SGSM1: variants seen among roughly 807,000 people sequenced by gnomAD.
The protein encoded by SGSM1 is RUN and TBC1 domain containing 2.
A neutral mutation model predicts 133.8 loss-of-function variants in SGSM1; 73 were observed. The observed-to-expected ratio is 0.55, with a 90% CI of 0.45 to 0.66. The LOEUF (loss-of-function observed/expected upper bound fraction) is 0.66, where lower values mean the gene tolerates loss of function less well. Among genes scored for constraint, SGSM1 ranks in the 30% least tolerant of loss-of-function variants. The pLI is 0.00. For synonymous variants in SGSM1, 563 were observed against 573.0 expected (o/e 0.98, Z 0.25); for missense variants, 1,213 against 1,448.1 (o/e 0.84, Z 2.64).
intron 8 of SGSM1, among the ~76,000 whole-genome samples, chr22:24,858,066 T>G (rs897312092): frequency 2.0e-5 from 3 of 152,180 alleles, no homozygotes; most frequent in African/African-American, 7.2e-5. Flanking sequence ...AGCCTCAAAC[T>G]CCTGGGCTCA....
intron 2 of SGSM1, among the ~76,000 whole-genome samples, chr22:24,817,654 A>C (rs1441558586): frequency 6.6e-6 from 1 of 152,064 alleles, no homozygotes; most frequent in African/African-American, 2.4e-5. Context: ...CCCGGCCATG[A>C]GTATCCTCAG....
intron 8 of SGSM1, among the ~76,000 whole-genome samples, chr22:24,857,056 C>A (rs994735129): frequency 2.6e-5 from 4 of 151,982 alleles, no homozygotes; most frequent in Non-Finnish European, 5.9e-5. Flanking sequence ...GCGTGAGCCA[C>A]TGCACCCAGC....
Position 24,897,988 on chromosome 22 carries a change from A to G in SGSM1, c.2039A>G (p.Asp680Gly). 3 of 1,602,088 alleles carry G rather than the reference A, an allele frequency of 1.9e-6. No individual in the cohort carries two copies. The highest frequency in any genetic ancestry group is 2.6e-6 in the Non-Finnish European group (3 of 1,174,284). The change falls in exon 19 of 25, where the codon GAT becomes GGT. Residue 680 changes from aspartate (D) to glycine (G), a missense_variant. Physicochemically the swap from Asp to Gly is moderately conservative, Grantham distance 94. Coordinates refer to ENST00000400358, the MANE Select transcript of SGSM1 (RefSeq NM_001098497.3). Reference sequence around the variant, plus strand: ...TGTCCTCAGGTGTTTGAGTCTGTGGATGAGGTGGAGCAGGTGGAGGCTGAA... The same window carrying G: ...TGTCCTCAGGTGTTTGAGTCTGTGGGTGAGGTGGAGCAGGTGGAGGCTGAA... ...SSSTQVFESV[D>G]EVEQVEAEGR...
chr22:24,855,841 A>G (rs1416556230), intron 8 of SGSM1, 161 bp downstream of exon 8: 1 of 1,039,954 alleles, frequency 9.6e-7, no homozygotes, highest in African/African-American at 1.6e-5. Context: ...ATCCATCTAT[A>G]TTTACACGCA....
intron 2 of SGSM1, among the ~76,000 whole-genome samples, chr22:24,825,513 C>G (rs1928746220): frequency 6.6e-6 from 1 of 152,086 alleles, no homozygotes; most frequent in Non-Finnish European, 1.5e-5. Flanking sequence ...CACTGCAACC[C>G]CTGCCTCCTG....
intron 2 of SGSM1, among the ~76,000 whole-genome samples, chr22:24,823,714 C>A (rs12483906): frequency 0.099 from 15,127 of 152,092 alleles, 1,087 homozygotes; most frequent in East Asian, 0.22. Context: ...GGGTGGATCA[C>A]TTGAGGCCAG....
intron 16 of SGSM1, among the ~76,000 whole-genome samples, chr22:24,887,432 T>C (rs1191336704): frequency 6.6e-6 from 1 of 152,092 alleles, no homozygotes; most frequent in East Asian, 1.9e-4. Context: ...GTATCAAGAG[T>C]TGATTCCTTT....
chr22:24,814,628 C>T (rs1927958073), intron 2 of SGSM1, among the ~76,000 whole-genome samples: 2 of 152,228 alleles, frequency 1.3e-5, no homozygotes, highest in Non-Finnish European at 2.9e-5. Context: ...ATGGAGGGGT[C>T]AGGCACACCG....
At chr22:24,871,437 T>A (rs1931759072) in intron 12 of SGSM1, among the ~76,000 whole-genome samples, 1 of 152,180 alleles carries the variant, frequency 6.6e-6, no homozygotes, top group Non-Finnish European at 1.5e-5. Flanking sequence ...GCCTGACGCT[T>A]GGCAGATGCT....
chr22:24,909,267 C>G (rs1474647302), intron 21 of SGSM1, among the ~76,000 whole-genome samples: 1 of 152,052 alleles, frequency 6.6e-6, no homozygotes, highest in Non-Finnish European at 1.5e-5. Flanking sequence ...GACTGCTGTT[C>G]TACATCGTTA....
Position 24,850,374 on chromosome 22 carries a change from A to G in SGSM1, c.397A>G (p.Thr133Ala), listed in dbSNP as rs374133142. 183 of 1,613,858 alleles carry G rather than the reference A, an allele frequency of 1.1e-4. No individual in the cohort carries two copies. Among genetic ancestry groups the G allele is most frequent in the Non-Finnish European group, 1.5e-4 (173 of 1,179,892 alleles). The part of the protein sequence containing the change: ...PLAIKHLWIR[T>A]ALFEKVLDKI... The stretch of plus-strand genomic sequence containing the variant: ...TGCCATCAAGCATCTGTGGATTCGC[A>G]CAGCCTTGTTTGAGAAGGTCCTGGA... Residue 133 changes from threonine (T) to alanine (A), a missense_variant, in exon 5 of 25, where the codon ACA (threonine) becomes GCA (alanine). Coordinates refer to ENST00000400358, the MANE Select transcript of SGSM1 (RefSeq NM_001098497.3).
intron 17 of SGSM1, among the ~76,000 whole-genome samples, chr22:24,893,979 C>CT (rs1298588044): frequency 6.6e-6 from 1 of 152,246 alleles, no homozygotes; most frequent in Admixed American, 6.5e-5. Flanking sequence ...TATTGAGTAT[C>CT]TACTATGTGC....
At chr22:24,845,252 T>A (rs1355764224) in intron 3 of SGSM1, among the ~76,000 whole-genome samples, 1 of 152,110 alleles carries the variant, frequency 6.6e-6, no homozygotes, top group Non-Finnish European at 1.5e-5. Flanking sequence ...GTCTTGCATC[T>A]GAGGAATGGG....
intron 3 of SGSM1, among the ~76,000 whole-genome samples, chr22:24,846,389 T>C (rs560123230): frequency 6.6e-6 from 1 of 152,216 alleles, no homozygotes; most frequent in South Asian, 2.1e-4. Flanking sequence ...ATTACATACA[T>C]ATATGTATGT....
chr22:24,834,426 T>C (rs1929307325), intron 2 of SGSM1, among the ~76,000 whole-genome samples: 1 of 152,246 alleles, frequency 6.6e-6, no homozygotes, highest in Non-Finnish European at 1.5e-5. Flanking sequence ...TGCCCATTCA[T>C]TTATGTATTA....
At chr22:24,812,141 G>A (rs1337295779) in intron 2 of SGSM1, among the ~76,000 whole-genome samples, 3 of 147,136 alleles carry the variant, frequency 2.0e-5, no homozygotes, top group Non-Finnish European at 4.4e-5. Context: ...CTGCACTTCA[G>A]CCTGGGTGAC....
chr22:24,859,524 C>G, intron 8 of SGSM1, 192 bp from the exon 9 acceptor site: 2 of 726,310 alleles, frequency 2.8e-6, no homozygotes, highest in Non-Finnish European at 4.7e-6. Context: ...ATTTGGGAGG[C>G]TGGCTGCAAA....
intron 11 of SGSM1, 76 bp downstream of exon 11, chr22:24,868,615 C>T: frequency 6.2e-7 from 1 of 1,610,928 alleles, no homozygotes; most frequent in Non-Finnish European, 8.5e-7. Context: ...CCTGTGTGCC[C>T]TTATGTGGCT....
At chr22:24,815,606 G>T (rs532766689) in intron 2 of SGSM1, among the ~76,000 whole-genome samples, 5 of 152,128 alleles carry the variant, frequency 3.3e-5, no homozygotes, top group Admixed American at 1.3e-4. Flanking sequence ...TTAGCCGGGC[G>T]TGGTGGCGGG....
Sources: allele counts gnomAD v4.1 joint callset (sites outside exome capture counted in the v4.1 genomes callset), GRCh38; gene constraint gnomAD v4.1.1; transcripts MANE v1.5; gene names NCBI Gene and HGNC (gene_info 2026-07-23, HGNC 2026-07-21).